HEG1: variants seen among roughly 807,000 people sequenced by gnomAD.
HEG1 encodes heart development protein with EGF like domains 1.
A neutral mutation model predicts 125.6 loss-of-function variants in HEG1; 56 were observed. The observed-to-expected ratio is 0.45, with a 90% CI of 0.36 to 0.56. The LOEUF (loss-of-function observed/expected upper bound fraction) is 0.56, where lower values mean the gene tolerates loss of function less well. Ranked by LOEUF, HEG1 falls within the 20% of genes least tolerant of loss-of-function variation. The probability of loss-of-function intolerance (pLI) is 0.00; values close to 1 mark genes in which losing one functional copy is unlikely to be tolerated. For missense variants in HEG1, 1,523 were observed against 1,670.0 expected, an observed-to-expected ratio of 0.91 and a Z score of 1.53; for synonymous variants, 644 against 668.5, an observed-to-expected ratio of 0.96 and a Z score of 0.57.
rs1476432255 is a variant in HEG1, at chr3:124,967,205, C to A, written c.*3447G>T. ...TGTTCCCAATTCTGAAAACAGTTCA[C>A]AAAAATATGCTTCCAGTATGTGGGA... On this transcript the variant is annotated 3_prime_UTR_variant, in exon 17 of 17. Transcript: ENST00000311127. The A allele has an allele frequency of 6.6e-6, 1 of 152,174 alleles. No homozygotes were observed. The highest frequency in any genetic ancestry group is 2.4e-5 in the African/African-American group (1 of 41,432). The allele number at this position is 152,174 out of a possible 1,614,324, so 9.4% of individuals were successfully genotyped here.
At chr3:125,033,302 T>G (rs936669464) in intron 1 of HEG1, among the ~76,000 whole-genome samples, 11 of 152,286 alleles carry the variant, frequency 7.2e-5, no homozygotes, top group African/African-American at 2.6e-4. Flanking sequence ...GTTCAACATT[T>G]GTGACCTTGA....
chr3:125,000,538 G>C (rs1040922172), intron 11 of HEG1, among the ~76,000 whole-genome samples: 2 of 151,494 alleles, frequency 1.3e-5, no homozygotes, highest in African/African-American at 4.8e-5. Flanking sequence ...TGATATAATG[G>C]GGCATGACCT....
rs11299422 is a variant in HEG1, at chr3:124,967,457, A to ATTT, written c.*3192_*3194dup. The ATTT allele has an allele frequency of 5.6e-5, 7 of 125,394 alleles. No homozygotes were observed. The highest frequency in any genetic ancestry group is 1.7e-4 in the African/African-American group (6 of 34,372). 7.8% of individuals were successfully genotyped at this position (125,394 alleles called of 1,614,324 possible). A position where few individuals can be genotyped will look rare whatever the true frequency, so the allele number is the denominator to read the frequency against. On this transcript the variant is annotated 3_prime_UTR_variant, in exon 17 of 17. Coordinates refer to ENST00000311127, the MANE Select transcript of HEG1 (RefSeq NM_020733.2). ...GCACATTTTCAAAAGGGTAGTCAGC[A>ATTT]TTTTTTTTTTTTTTTTTTTGCATTT...
intron 14 of HEG1, among the ~76,000 whole-genome samples, chr3:124,988,614 T>C (rs901762287): frequency 1.3e-5 from 2 of 151,922 alleles, no homozygotes; most frequent in African/African-American, 2.4e-5. Context: ...GGGCTGCAGG[T>C]TGCTACTTAA....
chr3:125,020,835 A>C lies in HEG1; in HGVS notation c.1209T>G (p.Asn403Lys). ...DEEFIEPSTE[N>K]EFGLTSLRWQ... Reference sequence around the variant, plus strand: ...AACGCAAAGACGTAAGTCCAAATTCATTTTCTGTGGATGGTTCAATGAATT... The same window carrying C: ...AACGCAAAGACGTAAGTCCAAATTCCTTTTCTGTGGATGGTTCAATGAATT... The change falls in exon 4 of 17, where the codon AAT (asparagine) becomes AAG (lysine). Residue 403 changes from asparagine to lysine, a missense_variant. Asn to Lys is a moderately conservative substitution (Grantham distance 94). Transcript: ENST00000311127. The C allele has an allele frequency of 6.2e-7, 1 of 1,613,882 alleles. No homozygotes were observed. Among genetic ancestry groups the C allele is most frequent in the Non-Finnish European group, 8.5e-7 (1 of 1,179,846 alleles).
At chr3:125,005,940 T>C (rs1420753101) in intron 8 of HEG1, among the ~76,000 whole-genome samples, 1 of 152,136 alleles carries the variant, frequency 6.6e-6, no homozygotes, top group Non-Finnish European at 1.5e-5. Flanking sequence ...CAGAGGAAAT[T>C]CCCATTTTAT....
Position 125,055,820 on chromosome 3 carries a change from G to GGCA in HEG1, c.68_70dup (p.Leu23dup), listed in dbSNP as rs1000265116. ...GTCCCGCGTCCCGGGGGCCGCCGGC[G>GGCA]GCAGCAGCAGCAGCGGCAGCAACAG... On this transcript the variant is annotated inframe_insertion, in exon 1 of 17. Coordinates refer to ENST00000311127, the MANE Select transcript of HEG1 (RefSeq NM_020733.2). The GGCA allele has an allele frequency of 1.0e-4, 95 of 949,796 alleles. 3 individuals are homozygous for GGCA. In the East Asian group the frequency reaches 9.1e-3, roughly 91 times the overall value. 58.8% of individuals were successfully genotyped at this position (949,796 alleles called of 1,614,324 possible).
chr3:125,054,332 T>A (rs1434641690), intron 1 of HEG1, among the ~76,000 whole-genome samples: 1 of 152,240 alleles, frequency 6.6e-6, no homozygotes, highest in Non-Finnish European at 1.5e-5. Flanking sequence ...ATGCCAGTGA[T>A]TTAAAAATTC....
Position 125,053,814 on chromosome 3 carries a change from G to A in HEG1, c.316+1761C>T, listed in dbSNP as rs1013323999. 3.3e-5 allele frequency among the ~76,000 whole-genome samples: 5 copies of A among 152,186 alleles called. No individual in the cohort carries two copies. In the East Asian group the frequency reaches 9.6e-4, roughly 29 times the overall value. On this transcript the variant is annotated intron_variant, in intron 1 of 16. Coordinates refer to ENST00000311127, the MANE Select transcript of HEG1 (RefSeq NM_020733.2). Reference sequence around the variant, plus strand: ...CATAAGGCCCCAATTCTTACCAGCTGAGTCCTCTAAGCTAGCTGCCTCCAC... The same window carrying A: ...CATAAGGCCCCAATTCTTACCAGCTAAGTCCTCTAAGCTAGCTGCCTCCAC...
chr3:125,052,669 G>A (rs1475836975), intron 1 of HEG1, among the ~76,000 whole-genome samples: 1 of 152,138 alleles, frequency 6.6e-6, no homozygotes, highest in African/African-American at 2.4e-5. Flanking sequence ...AAAAACACAC[G>A]CAGAAAAAGA....
At chr3:124,972,743 T>C (rs899480090) in intron 16 of HEG1, among the ~76,000 whole-genome samples, 1 of 152,226 alleles carries the variant, frequency 6.6e-6, no homozygotes, top group Non-Finnish European at 1.5e-5. Context: ...GCTTTATGGT[T>C]GATACAGTGA....
In HEG1 at chr3:125,004,757, A is replaced by G. The variant is rs575134504; in HGVS notation, c.3297+508T>C. On this transcript the variant is annotated intron_variant, in intron 9 of 16. Coordinates refer to ENST00000311127, the MANE Select transcript of HEG1 (RefSeq NM_020733.2). ...CTGATAAAAAGCGGGCAAAGAGGGA[A>G]AGAAGCAGAATCAAAGACCCCTCGG... is the stretch of plus-strand genomic sequence containing the variant. 6.6e-5 allele frequency among the ~76,000 whole-genome samples: 10 copies of G among 152,302 alleles called. No individual in the cohort carries two copies. In the East Asian group the frequency reaches 1.5e-3, roughly 23 times the overall value.
At chr3:125,004,915 C>T (rs1321160203) in intron 9 of HEG1, among the ~76,000 whole-genome samples, 3 of 152,182 alleles carry the variant, frequency 2.0e-5, no homozygotes, top group Non-Finnish European at 2.9e-5. Context: ...AGCCTGTTAA[C>T]AGCAGATGGG....
intron 16 of HEG1, chr3:124,971,147 C>T (rs746175642): frequency 1.3e-5 from 6 of 478,540 alleles, no homozygotes; most frequent in South Asian, 9.3e-5. Flanking sequence ...AAAAAAGGCT[C>T]CCTGGGAATA....
intron 8 of HEG1, among the ~76,000 whole-genome samples, chr3:125,008,996 G>A (rs887775286): frequency 1.3e-5 from 2 of 152,212 alleles, no homozygotes; most frequent in African/African-American, 2.4e-5. Flanking sequence ...AACCCGTTAC[G>A]TAAGCTTGGC....
chr3:124,971,107 A>T, intron 16 of HEG1: 1 of 515,672 alleles, frequency 1.9e-6, no homozygotes, highest in Non-Finnish European at 3.8e-6. Flanking sequence ...GGAGGCCAAC[A>T]GCAATCCTCA....
intron 1 of HEG1, among the ~76,000 whole-genome samples, chr3:125,042,031 G>C (rs1411105516): frequency 1.3e-5 from 2 of 152,312 alleles, no homozygotes; most frequent in East Asian, 3.9e-4. Flanking sequence ...GACGATGATT[G>C]CAACAACATT....
At chr3:124,972,478 C>T (rs1191347628) in intron 16 of HEG1, among the ~76,000 whole-genome samples, 2 of 152,036 alleles carry the variant, frequency 1.3e-5, no homozygotes, top group Non-Finnish European at 2.9e-5. Context: ...TCAAATTTTT[C>T]AAAAAGAGTC....
In HEG1 at chr3:124,997,741, G is replaced by A; in HGVS notation, c.3600C>T (p.Cys1200=). ...ICTDLDGVAL[C]QCKSGYFQFN... ...ACTGAAAGTATCCCGACTTGCACTG[G>A]CACAGGGCAACGCCGTCCAGGTCAG... The change falls in exon 12 of 17, where the codon TGC becomes TGT. Residue 1200 remains cysteine, a synonymous_variant. Coordinates refer to ENST00000311127, the MANE Select transcript of HEG1 (RefSeq NM_020733.2). 6.3e-7 allele frequency: 1 copy of A among 1,595,700 alleles called. No homozygotes were observed. The highest frequency in any genetic ancestry group is 1.1e-5 in the South Asian group (1 of 88,234).
Sources: allele counts gnomAD v4.1 joint callset (sites outside exome capture counted in the v4.1 genomes callset), GRCh38; gene constraint gnomAD v4.1.1; transcripts MANE v1.5; gene names NCBI Gene and HGNC (gene_info 2026-07-23, HGNC 2026-07-21).